AOAH: variants seen among roughly 807,000 people sequenced by gnomAD.
AOAH encodes acyloxyacyl hydrolase (neutrophil).
A neutral mutation model predicts 92.2 loss-of-function variants in AOAH; 64 were observed. That is an observed-to-expected ratio of 0.69 (90% confidence interval 0.57 to 0.86). The LOEUF (loss-of-function observed/expected upper bound fraction) is 0.86. Among genes scored for constraint, AOAH ranks in the 40% least tolerant of loss-of-function variants. The pLI, the probability that AOAH is intolerant of heterozygous loss-of-function variation, is 0.00. For missense variants in AOAH, 656 were observed against 694.6 expected (o/e 0.94, Z 0.62); for synonymous variants, 263 against 254.5 (o/e 1.03, Z -0.32).
chr7:36,690,508 C>T (rs1342529700), intron 1 of AOAH, among the ~76,000 whole-genome samples: 1 of 152,182 alleles, frequency 6.6e-6, no homozygotes, highest in Non-Finnish European at 1.5e-5. Context: ...GACTTTTCTA[C>T]AGTTTCTAAT....
intron 11 of AOAH, among the ~76,000 whole-genome samples, chr7:36,595,249 A>G (rs1249976947): frequency 6.6e-6 from 1 of 152,238 alleles, no homozygotes; most frequent in Non-Finnish European, 1.5e-5. Flanking sequence ...AATAAAGGGT[A>G]CCAGCCAGGT....
chr7:36,601,993 G>T (rs1289677401), intron 11 of AOAH, among the ~76,000 whole-genome samples: 1 of 152,182 alleles, frequency 6.6e-6, no homozygotes, highest in Non-Finnish European at 1.5e-5. Flanking sequence ...CACACCAGCA[G>T]ATCAGTAGCA....
intron 1 of AOAH, among the ~76,000 whole-genome samples, chr7:36,721,160 C>A (rs1388248994): frequency 1.3e-5 from 2 of 152,164 alleles, no homozygotes; most frequent in Non-Finnish European, 2.9e-5. Flanking sequence ...GAGTCCCTTG[C>A]CAGAACTGTC....
chr7:36,717,226 G>C (rs1012058890), intron 1 of AOAH, among the ~76,000 whole-genome samples: 5 of 152,108 alleles, frequency 3.3e-5, no homozygotes, highest in African/African-American at 9.7e-5. Context: ...GGGGTTGTTT[G>C]TGATGGGTCT....
chr7:36,705,639 A>C (rs7784990), intron 1 of AOAH, among the ~76,000 whole-genome samples: 50 of 152,182 alleles, frequency 3.3e-4, no homozygotes, highest in African/African-American at 1.1e-3. Context: ...AACTACTTTA[A>C]ATTTCATACG....
At chr7:36,570,587 G>A (rs1219528752) in intron 13 of AOAH, among the ~76,000 whole-genome samples, 8 of 152,146 alleles carry the variant, frequency 5.3e-5, no homozygotes, top group East Asian at 1.9e-4. Flanking sequence ...ACTGTTTTCC[G>A]TAGCAGCTAT....
At chr7:36,537,757 A>AG (rs1785169308) in intron 16 of AOAH, among the ~76,000 whole-genome samples, 1 of 151,820 alleles carries the variant, frequency 6.6e-6, no homozygotes, top group Admixed American at 6.6e-5. Flanking sequence ...TCCTGACCTC[A>AG]GGTGATCCGC....
At position 36,718,978 on chromosome 7, in the gene AOAH, GA is replaced by G. The variant is rs554375974; in HGVS notation, c.127+5043del. On this transcript the variant is annotated intron_variant, in intron 1 of 20. Transcript: ENST00000617537. ...AAAGCTGTTATTTAAAACAATATGG[GA>G]AAAATATTTTACCCTGATTTAATCA... is the stretch of plus-strand genomic sequence containing the variant. Among the ~76,000 whole-genome samples the G allele has an allele frequency of 3.9e-3, 597 of 152,180 alleles. 7 individuals carry two copies. Among genetic ancestry groups the G allele is most frequent in the African/African-American group, 0.014 (572 of 41,514 alleles).
chr7:36,711,042 C>T (rs1798736910), intron 1 of AOAH, among the ~76,000 whole-genome samples: 1 of 152,130 alleles, frequency 6.6e-6, no homozygotes, highest in Non-Finnish European at 1.5e-5. Flanking sequence ...AATCTGAGAG[C>T]CCCACACTCT....
At chr7:36,586,648 A>C (rs1315495327) in intron 12 of AOAH, among the ~76,000 whole-genome samples, 1 of 152,150 alleles carries the variant, frequency 6.6e-6, no homozygotes, top group Non-Finnish European at 1.5e-5. Flanking sequence ...TCTCAGGACC[A>C]CTTCACACTC....
At position 36,516,643 on chromosome 7, in the gene AOAH, C is replaced by T. The variant is rs1583705351; in HGVS notation, c.1600-3263G>A. On this transcript the variant is annotated intron_variant, in intron 20 of 20. Transcript: ENST00000617537. The surrounding 1 kb of genome is among the most constrained non-coding windows in gnomAD (Gnocchi z 5.0). ...GGACCTTTGAAGACAGAGGCCCGGGCTTGTGGCTGTTTTCCTGCCATTTCT... is the reference window on the plus strand; with the variant it reads ...GGACCTTTGAAGACAGAGGCCCGGGTTTGTGGCTGTTTTCCTGCCATTTCT... Among the ~76,000 whole-genome samples, 1 of 152,184 alleles carries T rather than the reference C, an allele frequency of 6.6e-6. No individual in the cohort carries two copies. Among genetic ancestry groups the T allele is most frequent in the Non-Finnish European group, 1.5e-5 (1 of 68,044 alleles).
intron 18 of AOAH, 94 bp downstream of exon 18, chr7:36,532,053 T>G (rs1248066879): frequency 2.1e-6 from 3 of 1,460,896 alleles, no homozygotes; most frequent in Non-Finnish European, 2.9e-6. Context: ...GGAGACCATC[T>G]GCCTGCCAGG....
intron 1 of AOAH, among the ~76,000 whole-genome samples, chr7:36,716,829 G>A (rs184977141): frequency 6.6e-6 from 1 of 151,970 alleles, no homozygotes; most frequent in African/African-American, 2.4e-5. Context: ...GTTGTGGGGT[G>A]GAGGGAGCGG....
chr7:36,603,664 G>A (rs565504093), intron 11 of AOAH, among the ~76,000 whole-genome samples: 11 of 152,166 alleles, frequency 7.2e-5, no homozygotes, highest in African/African-American at 1.7e-4. Context: ...AACGGGCATC[G>A]CTGTGTTCCA....
At position 36,516,754 on chromosome 7, in the gene AOAH, C is replaced by G. The variant is rs904386695; in HGVS notation, c.1600-3374G>C. 6.6e-6 allele frequency among the ~76,000 whole-genome samples: 1 copy of G among 152,180 alleles called. No homozygotes were observed. The highest frequency in any genetic ancestry group is 2.4e-5 in the African/African-American group (1 of 41,436). ...TGGCTTTCAACTTGATACACCTAAGCTCTTTCTAACAATTATGTGGTACCA... is the reference window on the plus strand; with the variant it reads ...TGGCTTTCAACTTGATACACCTAAGGTCTTTCTAACAATTATGTGGTACCA... On this transcript the variant is annotated intron_variant, in intron 20 of 20. Coordinates refer to ENST00000617537, the MANE Select transcript of AOAH (RefSeq NM_001637.4). This position sits in a 1 kb window ranked among gnomAD's most constrained non-coding sequence, Gnocchi z 5.0.
At chr7:36,693,592 G>A (rs6462695) in intron 1 of AOAH, among the ~76,000 whole-genome samples, 85,201 of 151,792 alleles carry the variant, frequency 0.56, 24,294 homozygotes, top group East Asian at 0.83. Context: ...TACTAAAAAC[G>A]TGTATAAAAC....
intron 3 of AOAH, among the ~76,000 whole-genome samples, chr7:36,659,670 T>C (rs140839463): frequency 0.019 from 2,936 of 152,272 alleles, 76 homozygotes; most frequent in Non-Finnish European, 0.023. Context: ...ATTTACGATA[T>C]AGCCTTAAAC....
At chr7:36,707,422 T>C (rs1798491773) in intron 1 of AOAH, among the ~76,000 whole-genome samples, 1 of 152,104 alleles carries the variant, frequency 6.6e-6, no homozygotes, top group Non-Finnish European at 1.5e-5. Context: ...GATATAATAA[T>C]GAAAAAGTTT....
chr7:36,575,011 ATTTT>A (rs10652764), intron 13 of AOAH, among the ~76,000 whole-genome samples: 65 of 150,214 alleles, frequency 4.3e-4, no homozygotes, highest in African/African-American at 1.3e-3. Flanking sequence ...CTCACAGATG[ATTTT>A]TTTTTTGTGC....
Sources: allele counts gnomAD v4.1 joint callset (sites outside exome capture counted in the v4.1 genomes callset), GRCh38; gene constraint gnomAD v4.1.1; non-coding constraint Gnocchi (gnomAD v3.1); transcripts MANE v1.5; gene names NCBI Gene and HGNC (gene_info 2026-07-23, HGNC 2026-07-21).